The following NEB variants were observed in gnomAD, a reference collection of about 807,000 sequenced individuals.
The protein encoded by NEB is nebulin, also known as nemaline myopathy type 2.
In NEB, 512 loss-of-function variants were observed where a neutral mutation model predicts 952.2. The ratio of observed to expected loss-of-function variants is 0.54; its 90% CI spans 0.50 to 0.58. The LOEUF is 0.58. NEB is among the 20% of genes least tolerant of loss of function. The pLI is 0.00. For missense variants in NEB, 8,428 were observed against 9,231.1 expected (o/e 0.91, Z 3.56); for synonymous variants, 2,900 against 3,149.8 (o/e 0.92, Z 2.66).
At position 151,568,097 on chromosome 2, in the gene NEB, G is replaced by A. The variant is rs1250161474; in HGVS notation, c.17818C>T (p.His5940Tyr). The A allele has an allele frequency of 1.9e-5, 31 of 1,613,484 alleles. No individual in the cohort carries two copies. In the East Asian group the frequency reaches 6.9e-4, roughly 36 times the overall value. ...TCACTCTGAACGTCATTGCAGTGAT[G>A]GGCATGAACAAATGGCACAGCATCT... ...PPDAVPFVHA[H>Y]HCNDVQSELK... The change falls in exon 113 of 182, where the codon CAT (histidine) becomes TAT (tyrosine). Residue 5940 changes from histidine to tyrosine, a missense_variant. Around this residue, in one of 11 missense-constraint regions of NEB, gnomAD observed 3,374 missense variants for 3,651.5 expected, o/e 0.92. Transcript: ENST00000397345.
chr2:151,620,351 A>G (rs1466750597), intron 72 of NEB, among the ~76,000 whole-genome samples: 87 of 48,696 alleles, frequency 1.8e-3, no homozygotes, highest in Middle Eastern at 0.021. Context: ...GTGTGTGTAT[A>G]TATATATATA....
intron 173 of NEB, chr2:151,495,204 C>T (rs1452683056): frequency 1.3e-5 from 2 of 152,178 alleles, no homozygotes; most frequent in African/African-American, 4.8e-5. Flanking sequence ...CATGATAAAT[C>T]CTCAACCTCG....
chr2:151,670,160 C>T (rs988086767), intron 38 of NEB, among the ~76,000 whole-genome samples: 2 of 152,154 alleles, frequency 1.3e-5, no homozygotes, highest in South Asian at 4.1e-4. Flanking sequence ...AGAATTGACA[C>T]CAGTTATTAC....
In NEB at chr2:151,671,899, T is replaced by C. The variant is rs149884361; in HGVS notation, c.4299+470A>G. On this transcript the variant is annotated intron_variant, in intron 37 of 181. Transcript: ENST00000397345. ...TCCATGCAACTCTCCATGAATCATG[T>C]TGCAAGCACAAAACCTTCCTGGTTA... is the stretch of plus-strand genomic sequence containing the variant. 3.1e-4 allele frequency among the ~76,000 whole-genome samples: 47 copies of C among 152,290 alleles called. No homozygotes were observed. In the East Asian group the frequency reaches 4.6e-3, roughly 15 times the overall value.
Position 151,548,324 on chromosome 2 carries a change from T to C in NEB, c.20141A>G (p.Asn6714Ser). The C allele has an allele frequency of 6.2e-7, 1 of 1,612,714 alleles. No individual in the cohort carries two copies. The highest frequency in any genetic ancestry group is 8.5e-7 in the Non-Finnish European group (1 of 1,178,742). Residue 6714 changes from asparagine (N) to serine (S), a missense_variant, in exon 131 of 182, where the codon AAC becomes AGC. Transcript: ENST00000397345. ...TTCAGGTACCTCGCTGGTAACATTG[T>C]TGACTCTCCGGACGTGGACAAATGG... ...DVPFVHVRRV[N>S]NVTSERLYRE...
chr2:151,669,752 A>G (rs2099263318), intron 38 of NEB, among the ~76,000 whole-genome samples: 2 of 152,346 alleles, frequency 1.3e-5, no homozygotes, highest in South Asian at 4.2e-4. Context: ...TTCACATTCA[A>G]GAAATTCCTA....
At chr2:151,660,593 C>CT (rs1193835580) in intron 46 of NEB, among the ~76,000 whole-genome samples, 3 of 152,050 alleles carry the variant, frequency 2.0e-5, no homozygotes. Flanking sequence ...TAAGAATAAC[C>CT]TTTTTCTGGA....
intron 40 of NEB, 35 bp from the exon 41 acceptor site, chr2:151,666,436 AGC>A (rs1277858993): frequency 1.1e-5 from 17 of 1,588,746 alleles, no homozygotes; most frequent in Non-Finnish European, 1.5e-5. Context: ...GAAGTTGGCT[AGC>A]ATAGAAGTCT....
intron 172 of NEB, among the ~76,000 whole-genome samples, 178 bp downstream of exon 172, chr2:151,496,763 A>C (rs1250162346): frequency 6.6e-6 from 1 of 152,068 alleles, no homozygotes; most frequent in Non-Finnish European, 1.5e-5. Flanking sequence ...ATCAAAATTA[A>C]CTGTATTATG....
At chr2:151,610,663 T>C in intron 79 of NEB, 40 bp from the exon 80 acceptor site, 1 of 1,581,758 alleles carries the variant, frequency 6.3e-7, no homozygotes, top group Non-Finnish European at 8.7e-7. Flanking sequence ...TAAGAGTGTT[T>C]GAGGAAGGTA....
In NEB at chr2:151,508,038, C is replaced by G. The variant is rs765789028; in HGVS notation, c.23418G>C (p.Gln7806His). 2 of 1,610,698 alleles carry G rather than the reference C, an allele frequency of 1.2e-6. No individual in the cohort carries two copies. Among genetic ancestry groups the G allele is most frequent in the Non-Finnish European group, 1.7e-6 (2 of 1,178,384 alleles). Reference sequence around the variant, plus strand: ...AGTTCTTTTGGTTCTCCCGGACTCTCTGTATCTCTGGGGTGTCCAAAACAG... The same window carrying G: ...AGTTCTTTTGGTTCTCCCGGACTCTGTGTATCTCTGGGGTGTCCAAAACAG... ...YETVLDTPEI[Q>H]RVRENQKNFS... Residue 7806 changes from glutamine to histidine, a missense_variant, in exon 162 of 182, where the codon CAG becomes CAC. By Grantham distance (24) the Gln-to-His change is conservative. This residue lies in a region of NEB where 3,374 missense variants were observed against 3,651.5 expected (regional missense o/e 0.92). Coordinates refer to ENST00000397345, the MANE Select transcript of NEB (RefSeq NM_001164508.2).
rs1443704801 is a variant in NEB at position 151,552,713 on chromosome 2, C to T, written c.19795G>A (p.Val6599Ile). 4 of 1,613,414 alleles carry T rather than the reference C, an allele frequency of 2.5e-6. No individual in the cohort carries two copies. Among genetic ancestry groups the T allele is most frequent in the Non-Finnish European group, 2.5e-6 (3 of 1,179,574 alleles). ...NDYKLVTDTP[V>I]YVQAVKSGKQ... ...CCACTTTTGACAGCCTGCACGTAGA[C>T]TGGTGTATCTGTGACAAGCTTGTAG... Residue 6599 changes from valine (V) to isoleucine (I), a missense_variant, in exon 128 of 182, where the codon GTC (valine) becomes ATC (isoleucine). This residue lies in a region of NEB where 3,374 missense variants were observed against 3,651.5 expected (regional missense o/e 0.92). Transcript: ENST00000397345.
At chr2:151,631,670 C>A (rs1169688947) in intron 65 of NEB, among the ~76,000 whole-genome samples, 2 of 152,188 alleles carry the variant, frequency 1.3e-5, no homozygotes, top group East Asian at 3.9e-4. Flanking sequence ...AGAAACCACA[C>A]CCGTGCCCAA....
chr2:151,543,745 C>G (rs1248589193), intron 135 of NEB, among the ~76,000 whole-genome samples: 1 of 152,190 alleles, frequency 6.6e-6, no homozygotes, highest in Non-Finnish European at 1.5e-5. Flanking sequence ...TCTCAGCCTC[C>G]CAAGTAGCTA....
rs774410460 is a variant in NEB, at chr2:151,526,197, C to A, written c.22011G>T (p.Gln7337His). Residue 7337 changes from glutamine to histidine, a missense_variant, in exon 149 of 182, where the codon CAG (glutamine) becomes CAT (histidine). Gln to His is a conservative substitution (Grantham distance 24). This residue lies in a region of NEB where 3,374 missense variants were observed against 3,651.5 expected (regional missense o/e 0.92). Transcript: ENST00000397345. ...GTCHAVPDTP[Q>H]ILLAKTVSNL... ...TGCTGACAGTCTTCGCCAGCAGGAT[C>A]TGAGGCGTGTCAGGTACGGCATGGC... is the stretch of plus-strand genomic sequence containing the variant. 6.2e-7 allele frequency: 1 copy of A among 1,613,960 alleles called. No individual in the cohort carries two copies. Among genetic ancestry groups the A allele is most frequent in the African/African-American group, 1.3e-5 (1 of 75,062 alleles).
intron 46 of NEB, among the ~76,000 whole-genome samples, chr2:151,659,450 A>T (rs1477182792): frequency 1.3e-5 from 2 of 151,948 alleles, no homozygotes; most frequent in African/African-American, 4.8e-5. Context: ...ACAGGCATGC[A>T]CTACCATGCC....
intron 108 of NEB, 21 bp from the exon 109 acceptor site, chr2:151,570,413 C>A: frequency 6.4e-7 from 1 of 1,571,810 alleles, no homozygotes; most frequent in South Asian, 1.2e-5. Context: ...AAAAATAAAG[C>A]AGATGGGTCA....
chr2:151,500,512 TA>T (rs1000232126), intron 168 of NEB, among the ~76,000 whole-genome samples: 11 of 149,314 alleles, frequency 7.4e-5, no homozygotes, highest in South Asian at 2.1e-4. Flanking sequence ...ATTTGTATAT[TA>T]AAAAAAAATC....
chr2:151,486,165 C>T, intron 181 of NEB: 1 of 457,502 alleles, frequency 2.2e-6, no homozygotes, highest in Non-Finnish European at 3.9e-6. Flanking sequence ...CAACTCAATG[C>T]CTTCCCCCAC....
Sources: gnomAD v4.1 joint callset for allele counts (sites outside exome capture counted in the v4.1 genomes callset) on GRCh38, gnomAD v4.1.1 for gene constraint, gnomAD v4.1.1 regional missense constraint, MANE v1.5 for transcripts, NCBI Gene and HGNC (gene_info 2026-07-23, HGNC 2026-07-21) for gene names.